BRINP3: variants seen among roughly 807,000 people sequenced by gnomAD.
The protein encoded by BRINP3 is BMP/retinoic acid inducible neural specific 3.
BRINP3 carries 19 observed loss-of-function variants against 71.0 expected under a neutral mutation model. The observed-to-expected ratio is 0.27, with a 90% CI of 0.19 to 0.39. BRINP3 has a LOEUF of 0.39. Among genes scored for constraint, BRINP3 ranks in the 10% least tolerant of loss-of-function variants. The pLI is 1.00. For synonymous variants in BRINP3, 380 were observed against 337.7 expected (o/e 1.13, Z -1.37); for missense variants, 959 against 940.8 (o/e 1.02, Z -0.25).
chr1:190,408,054 C>A (rs1266167845), intron 2 of BRINP3, among the ~76,000 whole-genome samples: 1 of 132,342 alleles, frequency 7.6e-6, no homozygotes, highest in Non-Finnish European at 1.5e-5. Context: ...TGGAGTCTCG[C>A]TCTGTTGCCC....
At chr1:190,156,389 A>G (rs886277279) in intron 7 of BRINP3, among the ~76,000 whole-genome samples, 1 of 152,080 alleles carries the variant, frequency 6.6e-6, no homozygotes, top group African/African-American at 2.4e-5. Flanking sequence ...ATAATTTGTA[A>G]TGAAAGCGAA....
intron 2 of BRINP3, among the ~76,000 whole-genome samples, chr1:190,361,383 C>T (rs1244418340): frequency 6.6e-6 from 1 of 151,320 alleles, no homozygotes; most frequent in Non-Finnish European, 1.5e-5. Context: ...AATATAAGAC[C>T]AGTTTTTGTT....
chr1:190,353,858 T>C (rs1229864861), intron 2 of BRINP3, among the ~76,000 whole-genome samples: 1 of 152,026 alleles, frequency 6.6e-6, no homozygotes, highest in African/African-American at 2.4e-5. Flanking sequence ...AGTCTCTCCC[T>C]TTAACATCCT....
chr1:190,262,534 T>C (rs968536244), intron 4 of BRINP3, among the ~76,000 whole-genome samples: 2 of 152,170 alleles, frequency 1.3e-5, no homozygotes, highest in Non-Finnish European at 2.9e-5. Context: ...TCCCACTGTT[T>C]GCTGTTTCCT....
intron 2 of BRINP3, among the ~76,000 whole-genome samples, chr1:190,379,852 A>G (rs1231472893): frequency 6.6e-6 from 1 of 151,734 alleles, no homozygotes; most frequent in Non-Finnish European, 1.5e-5. Flanking sequence ...ACAAAAAATT[A>G]CCTGGGTGTG....
chr1:190,183,723 A>G (rs1653249933), intron 6 of BRINP3, among the ~76,000 whole-genome samples: 1 of 152,150 alleles, frequency 6.6e-6, no homozygotes, highest in African/African-American at 2.4e-5. Context: ...GTCACAGTGT[A>G]GATGGCTGTA....
At chr1:190,343,735 C>A (rs2103120501) in intron 2 of BRINP3, among the ~76,000 whole-genome samples, 1 of 151,624 alleles carries the variant, frequency 6.6e-6, no homozygotes, top group African/African-American at 2.4e-5. Context: ...TAAACCGACT[C>A]TGTATGTACT....
chr1:190,274,480 A>C (rs987954227), intron 3 of BRINP3, among the ~76,000 whole-genome samples: 4 of 151,628 alleles, frequency 2.6e-5, no homozygotes, highest in Non-Finnish European at 4.4e-5. Context: ...TAGTTATTAA[A>C]AAATGCTATT....
intron 2 of BRINP3, among the ~76,000 whole-genome samples, chr1:190,297,956 T>C (rs1664380304): frequency 6.6e-6 from 1 of 152,150 alleles, no homozygotes; most frequent in African/African-American, 2.4e-5. Context: ...TTGTTAGAAT[T>C]TTCCAGTGAA....
chr1:190,142,935 T>C (rs1450364744), intron 7 of BRINP3, among the ~76,000 whole-genome samples: 1 of 152,056 alleles, frequency 6.6e-6, no homozygotes, highest in Non-Finnish European at 1.5e-5. Flanking sequence ...TGAAAGGCCG[T>C]AAGTAGTTTT....
chr1:190,245,476 T>C (rs1181570817), intron 4 of BRINP3, among the ~76,000 whole-genome samples: 4 of 152,022 alleles, frequency 2.6e-5, no homozygotes, highest in African/African-American at 9.7e-5. Flanking sequence ...CTCTCTGCAA[T>C]ATTATAATCA....
intron 7 of BRINP3, among the ~76,000 whole-genome samples, chr1:190,138,924 A>G (rs2102380425): frequency 6.6e-6 from 1 of 152,308 alleles, no homozygotes; most frequent in South Asian, 2.1e-4. Context: ...ACAGGCAAAC[A>G]AAACTGGAGT....
chr1:190,409,621 T>TA (rs1672531455), intron 2 of BRINP3, among the ~76,000 whole-genome samples: 2 of 152,184 alleles, frequency 1.3e-5, no homozygotes, highest in South Asian at 4.1e-4. Context: ...ATTTTCTTTT[T>TA]AAAAAATGAT....
chr1:190,344,537 G>A (rs1571810176), intron 2 of BRINP3, among the ~76,000 whole-genome samples: 1 of 151,804 alleles, frequency 6.6e-6, no homozygotes, highest in Admixed American at 6.6e-5. Flanking sequence ...GTATAGCTCT[G>A]AATCATTACT....
At chr1:190,186,206 T>C (rs1653506569) in intron 6 of BRINP3, among the ~76,000 whole-genome samples, 1 of 151,848 alleles carries the variant, frequency 6.6e-6, no homozygotes, top group African/African-American at 2.4e-5. Flanking sequence ...TGAAACCCCA[T>C]CTCTACTAAA....
At chr1:190,168,324 T>A (rs1651735207) in intron 6 of BRINP3, among the ~76,000 whole-genome samples, 1 of 152,132 alleles carries the variant, frequency 6.6e-6, no homozygotes, top group African/African-American at 2.4e-5. Context: ...CATTCCTGAA[T>A]CATTTCAAAG....
Position 190,451,631 on chromosome 1 carries a change from A to C in BRINP3, c.236+3024T>G, listed in dbSNP as rs139104642. Among the ~76,000 whole-genome samples, 1,136 of 152,300 alleles carry C rather than the reference A, an allele frequency of 7.5e-3. 6 individuals carry two copies. Among genetic ancestry groups the C allele is most frequent in the Non-Finnish European group, 0.011 (748 of 68,028 alleles). ...CTTCCAACTCAGTGATCAATCCACAAATTAATAATCTTTTAAGTCTTAATG... is the reference window on the plus strand; with the variant it reads ...CTTCCAACTCAGTGATCAATCCACACATTAATAATCTTTTAAGTCTTAATG... On this transcript the variant is annotated intron_variant, in intron 2 of 7. Transcript: ENST00000367462.
intron 2 of BRINP3, among the ~76,000 whole-genome samples, chr1:190,398,662 C>T (rs562534170): frequency 3.7e-4 from 56 of 152,002 alleles, no homozygotes; most frequent in African/African-American, 1.3e-3. Context: ...TATAACATAG[C>T]TCAAATTTAC....
Position 190,471,077 on chromosome 1 carries a change from A to G in BRINP3, c.-51+6371T>C, listed in dbSNP as rs184223759. On this transcript the variant is annotated intron_variant, in intron 1 of 7. Coordinates refer to ENST00000367462, the MANE Select transcript of BRINP3 (RefSeq NM_199051.3). ...GATAGGTCTGCAGGTGAGTAATTGG[A>G]TACAAATATTCTTGCTAGCTTATAT... 6.6e-5 allele frequency among the ~76,000 whole-genome samples: 10 copies of G among 151,368 alleles called. No homozygotes were observed. In the East Asian group the frequency reaches 1.9e-3, roughly 29 times the overall value.
Sources: allele counts gnomAD v4.1 joint callset (sites outside exome capture counted in the v4.1 genomes callset), GRCh38; gene constraint gnomAD v4.1.1; transcripts MANE v1.5; gene names NCBI Gene and HGNC (gene_info 2026-07-23, HGNC 2026-07-21).